The following SLC6A7 variants were observed in gnomAD, a reference collection of about 807,000 sequenced individuals.
The protein encoded by SLC6A7 is sodium-dependent proline transporter.
Under a neutral mutation model 73.1 loss-of-function variants are expected in SLC6A7, and 58 were observed. The ratio of observed to expected loss-of-function variants is 0.79; its 90% CI spans 0.64 to 0.99. SLC6A7 has a LOEUF of 0.99. SLC6A7 is among the 50% of genes least tolerant of loss of function. SLC6A7 has a pLI of 0.00. For missense variants in SLC6A7, 783 were observed against 831.4 expected (o/e 0.94, Z 0.72); for synonymous variants, 338 against 338.7 (o/e 1.00, Z 0.02).
chr5:150,199,629 C>T (rs997655077), intron 5 of SLC6A7, among the ~76,000 whole-genome samples: 2 of 152,182 alleles, frequency 1.3e-5, no homozygotes, highest in African/African-American at 4.8e-5. Context: ...CAGTGCTTGG[C>T]ACTTTGAATG....
intron 2 of SLC6A7, 116 bp from the exon 3 acceptor site, chr5:150,196,600 A>T: frequency 9.9e-7 from 1 of 1,007,156 alleles, no homozygotes; most frequent in Non-Finnish European, 1.5e-6. Context: ...AAAGAAACCT[A>T]CAGTGTTCCA....
chr5:150,202,496 G>T, intron 7 of SLC6A7, 46 bp downstream of exon 7: 2 of 1,610,212 alleles, frequency 1.2e-6, no homozygotes, highest in Non-Finnish European at 1.7e-6. Flanking sequence ...AAAGCAGGGA[G>T]GAGAGTGGCT....
Position 150,209,719 on chromosome 5 carries a change from G to A in SLC6A7, c.*104G>A, listed in dbSNP as rs915436351. ...CCTCTGGGATTCTGAGAGGCTATGG[G>A]GGGGCCTGCCATAGGGATGCCAGTC... On this transcript the variant is annotated 3_prime_UTR_variant, in exon 14 of 14. Coordinates refer to ENST00000230671, the MANE Select transcript of SLC6A7 (RefSeq NM_014228.5). 8 of 962,020 alleles carry A rather than the reference G, an allele frequency of 8.3e-6. No individual in the cohort carries two copies. The African/African-American group carries it at 9.7e-5, about 12-fold the overall frequency. 59.6% of individuals were successfully genotyped at this position (962,020 alleles called of 1,614,324 possible).
At chr5:150,191,007 CCCTACCTTG>C (rs1380928302) in intron 1 of SLC6A7, among the ~76,000 whole-genome samples, 1 of 152,176 alleles carries the variant, frequency 6.6e-6, no homozygotes, top group African/African-American at 2.4e-5. Flanking sequence ...CTCAGGCTCT[CCCTACCTTG>C]CCTTGTGGGA....
intron 4 of SLC6A7, among the ~76,000 whole-genome samples, chr5:150,198,111 GA>G (rs869248679): frequency 0.17 from 15,542 of 89,808 alleles, 1,326 homozygotes; most frequent in Non-Finnish European, 0.2. Flanking sequence ...AAGAAAGAAA[GA>G]AAGAGAAAGA....
chr5:150,207,620 G>A (rs575410547), intron 13 of SLC6A7, among the ~76,000 whole-genome samples: 2 of 152,298 alleles, frequency 1.3e-5, no homozygotes, highest in South Asian at 2.1e-4. Flanking sequence ...AGGCAGAAAA[G>A]CAAAATATTT....
intron 1 of SLC6A7, among the ~76,000 whole-genome samples, chr5:150,194,339 G>T (rs1012017615): frequency 6.6e-6 from 1 of 151,694 alleles, no homozygotes; most frequent in African/African-American, 2.4e-5. Flanking sequence ...TGAGACGGGA[G>T]AATTGCTTGA....
At chr5:150,201,644 C>G (rs748669256) in intron 6 of SLC6A7, among the ~76,000 whole-genome samples, 18 of 152,088 alleles carry the variant, frequency 1.2e-4, no homozygotes, top group Admixed American at 1.3e-4. Context: ...AACTGAGGCT[C>G]AAAAGGGTTC....
At chr5:150,209,191 C>T (rs959218734) in intron 13 of SLC6A7, among the ~76,000 whole-genome samples, 2 of 152,262 alleles carry the variant, frequency 1.3e-5, no homozygotes, top group African/African-American at 4.8e-5. Flanking sequence ...TTGCCAAGAG[C>T]CATCCAGCTT....
rs2113982196 is a variant in SLC6A7, at chr5:150,202,682, G to A, written c.1066G>A (p.Val356Met). ...CATGTCTCAGGAGCTGGGCGTGCCT[G>A]TGGACCAAGTAGCCAAAGCAGGTGG... ...GYMSQELGVP[V>M]DQVAKAGPGL... The change falls in exon 8 of 14, where the codon GTG (valine) becomes ATG (methionine). Residue 356 changes from valine (V) to methionine (M), a missense_variant. Transcript: ENST00000230671. 6.2e-7 allele frequency: 1 copy of A among 1,614,184 alleles called. No individual in the cohort carries two copies. Among genetic ancestry groups the A allele is most frequent in the African/African-American group, 1.3e-5 (1 of 75,080 alleles).
intron 4 of SLC6A7, among the ~76,000 whole-genome samples, chr5:150,198,105 A>AAG (rs1188448747): frequency 4.8e-5 from 5 of 103,260 alleles, no homozygotes; most frequent in Admixed American, 8.8e-5. Context: ...GAAAGAAAGA[A>AAG]AGAAAGAAAG....
rs78504974 is a variant in SLC6A7 at position 150,203,174 on chromosome 5, T to C, written c.1087+471T>C. Among the ~76,000 whole-genome samples, 287 of 152,182 alleles carry C rather than the reference T, an allele frequency of 1.9e-3. 8 individuals are homozygous for C. The East Asian group carries it at 0.042, about 22-fold the overall frequency. On this transcript the variant is annotated intron_variant, in intron 8 of 13. Coordinates refer to ENST00000230671, the MANE Select transcript of SLC6A7 (RefSeq NM_014228.5). Reference sequence around the variant, plus strand: ...GTCCTAGCTGGTCTCTGGTGGTCCATGTGCAAGGGGATGGGTGAGCAAACG... The same window carrying C: ...GTCCTAGCTGGTCTCTGGTGGTCCACGTGCAAGGGGATGGGTGAGCAAACG...
chr5:150,204,536 G>A lies in SLC6A7; in HGVS notation c.1337G>A (p.Gly446Asp). Reference protein sequence around the residue: ...LMGLILTTDGGMYWLVLLDDY... With the variant: ...LMGLILTTDGDMYWLVLLDDY... The stretch of plus-strand genomic sequence containing the variant: ...AGAACTGTGCTTGTGTTTTAGGGGG[G>A]CATGTACTGGCTGGTCCTTCTGGAT... Residue 446 changes from glycine to aspartate, a missense_variant, in exon 11 of 14, where the codon GGC (glycine) becomes GAC (aspartate). Gly to Asp is a moderately conservative substitution (Grantham distance 94). Coordinates refer to ENST00000230671, the MANE Select transcript of SLC6A7 (RefSeq NM_014228.5). 5.0e-6 allele frequency: 8 copies of A among 1,612,740 alleles called. No homozygotes were observed. The highest frequency in any genetic ancestry group is 6.8e-6 in the Non-Finnish European group (8 of 1,178,690).
chr5:150,201,968 A>G (rs1424904503), intron 6 of SLC6A7, among the ~76,000 whole-genome samples: 1 of 152,182 alleles, frequency 6.6e-6, no homozygotes, highest in Non-Finnish European at 1.5e-5. Context: ...AAAATGGTGA[A>G]GCTGGGGTCC....
rs1198988888 is a variant in SLC6A7, at chr5:150,190,162, C to G, written c.-166C>G. 1 of 525,560 alleles carries G rather than the reference C, an allele frequency of 1.9e-6. No individual in the cohort carries two copies. Among genetic ancestry groups the G allele is most frequent in the South Asian group, 2.9e-5 (1 of 33,926 alleles). The allele number at this position is 525,560 out of a possible 1,614,324, so 32.6% of individuals were successfully genotyped here. On this transcript the variant is annotated 5_prime_UTR_variant, in exon 1 of 14. Coordinates refer to ENST00000230671, the MANE Select transcript of SLC6A7 (RefSeq NM_014228.5). ...GACAAGGCATTCGCAGCGCCCTGCC[C>G]GCGCTCCACGCCCGCAGCCGCCAGA...
Position 150,209,937 on chromosome 5 carries a change from C to T in SLC6A7, c.*322C>T. The stretch of plus-strand genomic sequence containing the variant: ...GTCGCATGGCAGAGGGGACTTGAAC[C>T]CACGCCTCCTGACCAGCCAGCTCCC... On this transcript the variant is annotated 3_prime_UTR_variant, in exon 14 of 14. Transcript: ENST00000230671. 2.7e-6 allele frequency: 1 copy of T among 366,008 alleles called. No individual in the cohort carries two copies. The highest frequency in any genetic ancestry group is 5.2e-6 in the Non-Finnish European group (1 of 193,948). The allele number at this position is 366,008 out of a possible 1,614,324, so 22.7% of individuals were successfully genotyped here.
chr5:150,199,100 G>A (rs937112347), intron 4 of SLC6A7, 128 bp from the exon 5 acceptor site: 6 of 1,286,048 alleles, frequency 4.7e-6, no homozygotes, highest in African/African-American at 1.5e-5. Context: ...GGAGAAGGAT[G>A]GAGAGGGATC....
chr5:150,192,572 CA>C (rs1250839203), intron 1 of SLC6A7, among the ~76,000 whole-genome samples: 1 of 152,214 alleles, frequency 6.6e-6, no homozygotes, highest in African/African-American at 2.4e-5. Flanking sequence ...TCCTGGGATT[CA>C]CCCCATGGTG....
chr5:150,190,221 G>C lies in SLC6A7; in HGVS notation c.-107G>C. The C allele has an allele frequency of 1.0e-6, 1 of 963,894 alleles. No individual in the cohort carries two copies. The highest frequency in any genetic ancestry group is 1.6e-5 in the South Asian group (1 of 60,730). The allele number at this position is 963,894 out of a possible 1,614,324, so 59.7% of individuals were successfully genotyped here. ...CCTGCGTCCGTGCCCGCCCCAGCCG[G>C]TGCGCGGGAGCCGCGGGGGCAAAGG... On this transcript the variant is annotated 5_prime_UTR_variant, in exon 1 of 14. Coordinates refer to ENST00000230671, the MANE Select transcript of SLC6A7 (RefSeq NM_014228.5).
Sources: gnomAD v4.1 joint callset for allele counts (sites outside exome capture counted in the v4.1 genomes callset) on GRCh38, gnomAD v4.1.1 for gene constraint, MANE v1.5 for transcripts, NCBI Gene and HGNC (gene_info 2026-07-23, HGNC 2026-07-21) for gene names.